Variants in GBP2 observed in about 807,000 individuals in gnomAD.
The protein encoded by GBP2 is guanylate binding protein 2, also known as guanylate-binding protein 2.
A neutral mutation model predicts 60.8 loss-of-function variants in GBP2; 54 were observed. The ratio of observed to expected loss-of-function variants is 0.89; its 90% CI spans 0.71 to 1.11. The LOEUF (loss-of-function observed/expected upper bound fraction) is 1.11. Among genes scored for constraint, GBP2 ranks in the 50% most tolerant of loss-of-function variants. GBP2 has a pLI of 0.00. For missense variants in GBP2, 665 were observed against 703.3 expected, an observed-to-expected ratio of 0.95 and a Z score of 0.62; for synonymous variants, 243 against 256.5, an observed-to-expected ratio of 0.95 and a Z score of 0.50.
At chr1:89,119,242 G>T (rs561659926) in intron 4 of GBP2, 1 of 152,148 alleles carries the variant, frequency 6.6e-6, no homozygotes, top group African/African-American at 2.4e-5. Context: ...TCAGAAAGGT[G>T]GAAGGGATCA....
Position 89,117,149 on chromosome 1 carries a change from A to G in GBP2, c.711T>C (p.Asp237=), listed in dbSNP as rs115143257. 150 of 1,614,196 alleles carry G rather than the reference A, an allele frequency of 9.3e-5. No homozygotes were observed. Among genetic ancestry groups the G allele is most frequent in the Admixed American group, 2.5e-4 (15 of 60,022 alleles). ...CAAGGTACTTCTTAGGAGCGGGCCA[A>G]TCGAAGACGAAGCACTTCCTCTTGG... is the stretch of plus-strand genomic sequence containing the variant. ...FFPKRKCFVF[D]WPAPKKYLAH... The change falls in exon 6 of 11, where the codon GAT becomes GAC. Residue 237 remains aspartate, a synonymous_variant. Coordinates refer to ENST00000370466, the MANE Select transcript of GBP2 (RefSeq NM_004120.5).
At chr1:89,108,362 A>G in intron 10 of GBP2, 71 bp from the exon 11 acceptor site, 1 of 892,080 alleles carries the variant, frequency 1.1e-6, no homozygotes, top group Non-Finnish European at 1.8e-6. Flanking sequence ...CCCTTTTGGT[A>G]CTTATATTGA....
intron 7 of GBP2, chr1:89,113,151 G>A (rs1202729733): frequency 6.1e-6 from 1 of 162,852 alleles, no homozygotes; most frequent in African/African-American, 2.4e-5. Context: ...GTTATATGAG[G>A]TGATGTAAAG....
intron 1 of GBP2, among the ~76,000 whole-genome samples, chr1:89,123,887 C>A (rs1681460857): frequency 1.3e-5 from 2 of 152,230 alleles, no homozygotes; most frequent in Admixed American, 6.5e-5. Flanking sequence ...CTTTCCACTT[C>A]ATGCCCACTT....
At position 89,112,492 on chromosome 1, in the gene GBP2, C is replaced by A; in HGVS notation, c.1342G>T (p.Val448Leu). The change falls in exon 8 of 11, where the codon GTG (valine) becomes TTG (leucine). Residue 448 changes from valine (V) to leucine (L), a missense_variant. By Grantham distance (32) the Val-to-Leu change is conservative. Transcript: ENST00000370466. ...LQELKNKYYQ[V>L]PRKGIQAKEV... The stretch of plus-strand genomic sequence containing the variant: ...TTTACCTGTATCCCCTTCCTTGGCA[C>A]CTGGTAGTACTTATTCTTCAGCTCC... 6.2e-7 allele frequency: 1 copy of A among 1,614,100 alleles called. No individual in the cohort carries two copies. Among genetic ancestry groups the A allele is most frequent in the Admixed American group, 1.7e-5 (1 of 60,024 alleles).
chr1:89,116,776 T>C (rs530714456), intron 6 of GBP2, among the ~76,000 whole-genome samples: 6 of 150,188 alleles, frequency 4.0e-5, no homozygotes, highest in African/African-American at 1.5e-4. Context: ...TCAATTCTAG[T>C]TCTTTTCTTT....
At chr1:89,118,623 A>C (rs921521200) in intron 4 of GBP2, 9 of 151,952 alleles carry the variant, frequency 5.9e-5, no homozygotes, top group African/African-American at 1.7e-4. Flanking sequence ...AAACAAACAA[A>C]CAAAACTAAT....
chr1:89,121,310 G>C, intron 2 of GBP2, 40 bp from the exon 3 acceptor site: 3 of 1,533,948 alleles, frequency 2.0e-6, no homozygotes, highest in Non-Finnish European at 2.6e-6. Flanking sequence ...AAATTACTTA[G>C]TAGGTGTTTC....
chr1:89,109,640 C>T, intron 10 of GBP2, 37 bp downstream of exon 10: 2 of 1,582,896 alleles, frequency 1.3e-6, no homozygotes, highest in East Asian at 4.5e-5. Flanking sequence ...CGATATGGGG[C>T]ACTGGAAGAG....
chr1:89,123,429 C>A (rs765260167), intron 1 of GBP2, among the ~76,000 whole-genome samples: 1 of 152,180 alleles, frequency 6.6e-6, no homozygotes, highest in African/African-American at 2.4e-5. Flanking sequence ...TTCAACAAAA[C>A]AAAACTTATT....
Position 89,121,775 on chromosome 1 carries a change from A to T in GBP2, c.190+2T>A. 6.2e-7 allele frequency: 1 copy of T among 1,613,568 alleles called. No homozygotes were observed. On this transcript the variant is annotated splice_donor_variant, in intron 2 of 10. Transcript: ENST00000370466. LOFTEE classifies it high-confidence loss of function. ...GCTTAGAGCTTTGCTGGTGTCACTC[A>T]CCGTTTTTCTTCCCAGCCAGCTTGT...
chr1:89,117,954 T>A (rs1681313754), intron 4 of GBP2, 181 bp from the exon 5 acceptor site: 9 of 548,928 alleles, frequency 1.6e-5, no homozygotes, highest in Non-Finnish European at 2.9e-5. Context: ...AACCAAGCAC[T>A]GCCCTAGGGA....
intron 7 of GBP2, 93 bp from the exon 8 acceptor site, chr1:89,112,777 T>C (rs1681191872): frequency 2.0e-6 from 2 of 1,000,912 alleles, no homozygotes; most frequent in Non-Finnish European, 3.1e-6. Flanking sequence ...CCTTCAGAAA[T>C]TGTGGCCCTC....
At chr1:89,112,412 T>A in intron 8 of GBP2, 60 bp downstream of exon 8, 1 of 1,420,346 alleles carries the variant, frequency 7.0e-7, no homozygotes, top group Non-Finnish European at 9.9e-7. Flanking sequence ...TTCTTCCCAG[T>A]GGGCTTTAAA....
chr1:89,118,974 G>C (rs1325985614), intron 4 of GBP2: 1 of 152,180 alleles, frequency 6.6e-6, no homozygotes, highest in Non-Finnish European at 1.5e-5. Flanking sequence ...ACAAAAGTTT[G>C]AATTTGCTCA....
At position 89,110,290 on chromosome 1, in the gene GBP2, A is replaced by C. The variant is rs756547913; in HGVS notation, c.1363-24T>G. 1.5e-5 allele frequency: 23 copies of C among 1,564,572 alleles called. No individual in the cohort carries two copies. In the Admixed American group the frequency reaches 1.5e-4, roughly 10 times the overall value. ...GCCTGGTTATACAGAGAAAGGTAGA[A>C]TGAAGAAAGAGTGATTGTGGGTTAG... is the stretch of plus-strand genomic sequence containing the variant. On this transcript the variant is annotated intron_variant, in intron 8 of 10. Transcript: ENST00000370466.
intron 7 of GBP2, among the ~76,000 whole-genome samples, chr1:89,113,333 T>A (rs887692747): frequency 6.6e-6 from 1 of 152,238 alleles, no homozygotes; most frequent in Non-Finnish European, 1.5e-5. Context: ...GAACAGCACA[T>A]TTATCTACAT....
rs1557438762 is a variant in GBP2, at chr1:89,112,624, A to G, written c.1210T>C (p.Cys404Arg). The G allele has an allele frequency of 1.7e-5, 28 of 1,614,202 alleles. No individual in the cohort carries two copies. Among genetic ancestry groups the G allele is most frequent in the Non-Finnish European group, 2.3e-5 (27 of 1,180,034 alleles). ...CKQNSKASSD[C>R]CMALLQDIFG... ...ATATCCTGAAGTAAAGCCATGCAAC[A>G]ATCTGATGATGCTTTGGAATTCTGC... Residue 404 changes from cysteine to arginine, a missense_variant, in exon 8 of 11, where the codon TGT (cysteine) becomes CGT (arginine). Cys to Arg is a radical substitution (Grantham distance 180). Transcript: ENST00000370466.
At chr1:89,110,617 G>A (rs1681142722) in intron 8 of GBP2, among the ~76,000 whole-genome samples, 1 of 152,152 alleles carries the variant, frequency 6.6e-6, no homozygotes. Context: ...CTCAGGAATG[G>A]AAAACCAAAC....
Sources: allele counts gnomAD v4.1 joint callset (sites outside exome capture counted in the v4.1 genomes callset), GRCh38; gene constraint gnomAD v4.1.1; transcripts MANE v1.5; gene names NCBI Gene and HGNC (gene_info 2026-07-23, HGNC 2026-07-21).